Variants in DCAF1 observed in about 807,000 individuals in gnomAD.
DCAF1 encodes DDB1 and CUL4 associated factor 1.
In DCAF1, 15 loss-of-function variants were observed where a neutral mutation model predicts 128.0. That is an observed-to-expected ratio of 0.12 (90% confidence interval 0.08 to 0.18). DCAF1 has a LOEUF of 0.18. Ranked by LOEUF, DCAF1 falls within the 10% of genes least tolerant of loss-of-function variation. DCAF1 has a pLI of 1.00. For synonymous variants in DCAF1, 610 were observed against 603.0 expected (o/e 1.01, Z -0.17); for missense variants, 988 against 1,649.5 (o/e 0.60, Z 6.95).
At chr3:51,396,076 G>A (rs2089182579), downstream of DCAF1, 2 of 411,498 alleles carry the variant, frequency 4.9e-6, no homozygotes, top group East Asian at 3.6e-5. Context: ...AAACGCCTGA[G>A]TCACAGGCCA....
intron 6 of DCAF1, among the ~76,000 whole-genome samples, chr3:51,456,621 T>C (rs1422536690): frequency 6.6e-6 from 1 of 152,182 alleles, no homozygotes; most frequent in Non-Finnish European, 1.5e-5. Flanking sequence ...CCTCCTCAAG[T>C]GGGTCCCTGA....
At chr3:51,443,069 TTAAAA>T (rs1360222404) in intron 7 of DCAF1, among the ~76,000 whole-genome samples, 1 of 151,954 alleles carries the variant, frequency 6.6e-6, no homozygotes, top group African/African-American at 2.4e-5. Flanking sequence ...ACCCCAGAAC[TTAAAA>T]TAAAATTTGA....
chr3:51,397,528 C>T (rs547180391), downstream of DCAF1: 1 of 167,274 alleles, frequency 6.0e-6, no homozygotes, highest in Non-Finnish European at 1.5e-5. Context: ...ACCTCCCTTT[C>T]CAGTTCTACC....
At chr3:51,432,849 A>G (rs1336532192) in intron 10 of DCAF1, among the ~76,000 whole-genome samples, 2 of 152,234 alleles carry the variant, frequency 1.3e-5, no homozygotes, top group Non-Finnish European at 2.9e-5. Context: ...AAATGGCAAA[A>G]ACTAAATAAA....
intron 24 of DCAF1, among the ~76,000 whole-genome samples, chr3:51,401,441 G>A (rs1298309648): frequency 1.3e-5 from 2 of 152,214 alleles, no homozygotes; most frequent in African/African-American, 4.8e-5. Flanking sequence ...GAGCCATGGA[G>A]TGTGCTCCAG....
At chr3:51,462,562 A>G (rs1013151792) in intron 6 of DCAF1, among the ~76,000 whole-genome samples, 3 of 152,136 alleles carry the variant, frequency 2.0e-5, no homozygotes, top group Non-Finnish European at 4.4e-5. Context: ...CCTGACCAAC[A>G]TGGTGAAATC....
chr3:51,448,308 T>C (rs1553640760), intron 6 of DCAF1, among the ~76,000 whole-genome samples: 1 of 152,214 alleles, frequency 6.6e-6, no homozygotes, highest in Non-Finnish European at 1.5e-5. Context: ...ACTTTTCATC[T>C]CTTATTTCTA....
chr3:51,427,323 T>C (rs1449511884), intron 13 of DCAF1, 49 bp downstream of exon 13: 4 of 642,756 alleles, frequency 6.2e-6, no homozygotes, highest in Non-Finnish European at 1.1e-5. Context: ...ACATCAACTT[T>C]AACAAAAAGA....
At chr3:51,449,216 C>CT (rs1156535921) in intron 6 of DCAF1, among the ~76,000 whole-genome samples, 5 of 151,872 alleles carry the variant, frequency 3.3e-5, no homozygotes, top group Admixed American at 6.6e-5. Flanking sequence ...ATTTATTTCT[C>CT]TTTTTTTTGA....
chr3:51,421,540 A>T (rs1233716816), intron 14 of DCAF1, among the ~76,000 whole-genome samples: 2 of 152,196 alleles, frequency 1.3e-5, no homozygotes, highest in African/African-American at 2.4e-5. Flanking sequence ...TACAGGTGTG[A>T]GCCACTGTGC....
intron 19 of DCAF1, 100 bp from the exon 20 acceptor site, chr3:51,414,143 T>C (rs891376701): frequency 5.0e-5 from 71 of 1,408,346 alleles, no homozygotes; most frequent in East Asian, 3.2e-4. Context: ...CTGCCAGGTA[T>C]TGATACTTTA....
At chr3:51,403,516 G>C in intron 23 of DCAF1, 121 bp from the exon 24 acceptor site, 1 of 1,448,952 alleles carries the variant, frequency 6.9e-7, no homozygotes. Flanking sequence ...TAGTGATCTA[G>C]ACGAGCACAG....
chr3:51,448,459 G>A (rs1390416670), intron 6 of DCAF1, among the ~76,000 whole-genome samples: 2 of 152,008 alleles, frequency 1.3e-5, no homozygotes, highest in Admixed American at 1.3e-4. Context: ...TGGCCTCAAG[G>A]GATCCTCCTG....
intron 6 of DCAF1, among the ~76,000 whole-genome samples, chr3:51,448,126 C>T (rs1553640712): frequency 6.6e-6 from 1 of 152,146 alleles, no homozygotes; most frequent in Non-Finnish European, 1.5e-5. Context: ...CTTCCTGAAT[C>T]TGAATGGTGA....
intron 23 of DCAF1, among the ~76,000 whole-genome samples, chr3:51,408,628 G>A (rs1367092659): frequency 6.6e-6 from 1 of 152,164 alleles, no homozygotes; most frequent in Non-Finnish European, 1.5e-5. Flanking sequence ...GAAATCTGAT[G>A]GAGATAGTAA....
chr3:51,505,555 G>A, the DCAF1 span, among the ~76,000 whole-genome samples: 1 of 152,214 alleles, frequency 6.6e-6, no homozygotes, highest in Non-Finnish European at 1.5e-5. Flanking sequence ...CTTAGAGGTG[G>A]CGATGTCTCT....
intron 4 of DCAF1, 24 bp downstream of exon 4, chr3:51,470,905 C>T: frequency 6.7e-7 from 1 of 1,489,208 alleles, no homozygotes; most frequent in South Asian, 1.4e-5. Flanking sequence ...AAAAAAGACC[C>T]ACACTTAAGA....
intron 15 of DCAF1, among the ~76,000 whole-genome samples, chr3:51,419,336 G>C (rs1210184490): frequency 7.2e-5 from 11 of 151,780 alleles, no homozygotes; most frequent in Non-Finnish European, 7.4e-5. Context: ...ACTCCAGCCT[G>C]GGCGATAGAG....
intron 6 of DCAF1, among the ~76,000 whole-genome samples, chr3:51,448,688 G>T (rs577668245): frequency 1.8e-4 from 28 of 152,096 alleles, no homozygotes; most frequent in African/African-American, 6.5e-4. Context: ...AACTATTACC[G>T]GTATAGTATC....
Sources: allele counts gnomAD v4.1 joint callset (sites outside exome capture counted in the v4.1 genomes callset), GRCh38; gene constraint gnomAD v4.1.1; transcripts MANE v1.5; gene names NCBI Gene and HGNC (gene_info 2026-07-23, HGNC 2026-07-21).